SLC45A1: variants seen among roughly 807,000 people sequenced by gnomAD.
SLC45A1 encodes proton-associated sugar transporter A.
Under a neutral mutation model 57.6 loss-of-function variants are expected in SLC45A1, and 28 were observed. That is an observed-to-expected ratio of 0.49 (90% CI 0.36 to 0.67). The LOEUF (loss-of-function observed/expected upper bound fraction) is 0.67, where lower values mean the gene tolerates loss of function less well. SLC45A1 is among the 30% of genes least tolerant of loss of function. SLC45A1 has a pLI of 0.00. For missense variants in SLC45A1, 814 were observed against 1,041.5 expected (o/e 0.78, Z 3.01); for synonymous variants, 459 against 471.5 (o/e 0.97, Z 0.34).
chr1:8,336,702 C>A (rs1156612621), intron 6 of SLC45A1, among the ~76,000 whole-genome samples: 1 of 152,056 alleles, frequency 6.6e-6, no homozygotes, highest in Non-Finnish European at 1.5e-5. Context: ...TAGGGTGCAC[C>A]CACACTGTGA....
At chr1:8,324,862 A>T in intron 2 of SLC45A1, 136 bp downstream of exon 2, 1 of 847,426 alleles carries the variant, frequency 1.2e-6, no homozygotes, top group South Asian at 1.9e-5. Context: ...GACTGTGGGG[A>T]ACACAGGTAC....
chr1:8,330,861 C>T lies in SLC45A1; in HGVS notation c.1368C>T (p.Thr456=). 6.2e-7 allele frequency: 1 copy of T among 1,611,716 alleles called. No individual in the cohort carries two copies. Among genetic ancestry groups the T allele is most frequent in the Non-Finnish European group, 8.5e-7 (1 of 1,178,674 alleles). Residue 456 remains threonine, a synonymous_variant, in exon 5 of 9, where the codon ACC becomes ACT. Coordinates refer to ENST00000471889, the MANE Select transcript of SLC45A1 (RefSeq NM_001080397.3). The surrounding 1 kb of genome is among the most constrained non-coding windows in gnomAD (Gnocchi z 8.4). The stretch of plus-strand genomic sequence containing the variant: ...CAGGGATTCTGAAGAGACCTCAGAC[C>T]TTGGCCATCCCGGACGCAGCCGGAG... The part of the protein sequence containing the change: ...RSSGILKRPQ[T]LAIPDAAGGG...
chr1:8,324,828 G>A (rs1301517675), intron 2 of SLC45A1, 102 bp downstream of exon 2: 1 of 1,161,288 alleles, frequency 8.6e-7, no homozygotes. Context: ...AGGATCAAGA[G>A]TTAAGTTCCC....
Position 8,343,960 on chromosome 1 carries a change from C to T in SLC45A1, c.2194C>T (p.Pro732Ser). The T allele has an allele frequency of 6.2e-7, 1 of 1,613,950 alleles. No individual in the cohort carries two copies. Among genetic ancestry groups the T allele is most frequent in the Middle Eastern group, 1.6e-4 (1 of 6,062 alleles). ...YSSLFVIYEI[P>S]PSDAADEEHR... ...CTCCCTGTTTGTCATTTATGAAATT[C>T]CTCCCAGCGACGCTGCAGACGAGGA... Residue 732 changes from proline (P) to serine (S), a missense_variant, in exon 9 of 9, where the codon CCT becomes TCT. Transcript: ENST00000471889. This position sits in a 1 kb window ranked among gnomAD's most constrained non-coding sequence, Gnocchi z 7.7.
rs758401798 is a variant in SLC45A1, at chr1:8,338,000, C to G, written c.1774+8C>G. 7 of 1,611,792 alleles carry G rather than the reference C, an allele frequency of 4.3e-6. No homozygotes were observed. The highest frequency in any genetic ancestry group is 5.9e-6 in the Non-Finnish European group (7 of 1,179,082). ...GTGCTGCCTTCTACTCAGGTACCCG[C>G]TGCCAGCCAGGCTGGCACGGCAGTG... On this transcript the variant is annotated splice_region_variant and intron_variant, in intron 7 of 8. Transcript: ENST00000471889.
Position 8,343,941 on chromosome 1 carries a change from G to A in SLC45A1, c.2175G>A (p.Leu725=), listed in dbSNP as rs1225838579. ...TCCTGGGCTGCCTGTACTCCTCCCT[G>A]TTTGTCATTTATGAAATTCCTCCCA... is the stretch of plus-strand genomic sequence containing the variant. The part of the protein sequence containing the change: ...VSFLGCLYSS[L]FVIYEIPPSD... Residue 725 remains leucine (L), a synonymous_variant, in exon 9 of 9, where the codon CTG becomes CTA. Coordinates refer to ENST00000471889, the MANE Select transcript of SLC45A1 (RefSeq NM_001080397.3). The surrounding 1 kb of genome is among the most constrained non-coding windows in gnomAD (Gnocchi z 7.7). 3.7e-6 allele frequency: 6 copies of A among 1,613,986 alleles called. No homozygotes were observed. Among genetic ancestry groups the A allele is most frequent in the East Asian group, 2.2e-5 (1 of 44,870 alleles).
At chr1:8,341,805 A>G (rs1640827216) in intron 8 of SLC45A1, among the ~76,000 whole-genome samples, 1 of 151,962 alleles carries the variant, frequency 6.6e-6, no homozygotes, top group African/African-American at 2.4e-5. Context: ...CCATAATTCC[A>G]GCTACTTGGG....
intron 8 of SLC45A1, among the ~76,000 whole-genome samples, chr1:8,342,551 G>T (rs1287922694): frequency 6.6e-6 from 1 of 152,226 alleles, no homozygotes; most frequent in Non-Finnish European, 1.5e-5. Context: ...TCTGGCATCT[G>T]CAGTGCAGCT....
intron 5 of SLC45A1, among the ~76,000 whole-genome samples, chr1:8,332,652 C>T (rs923679956): frequency 4.0e-5 from 6 of 151,852 alleles, no homozygotes; most frequent in Non-Finnish European, 5.9e-5. Flanking sequence ...GCTGGGACTA[C>T]GGGCACCCAC....
chr1:8,320,063 A>G (rs55819363), intron 1 of SLC45A1, among the ~76,000 whole-genome samples: 35,649 of 152,152 alleles, frequency 0.23, 4,329 homozygotes, highest in Middle Eastern at 0.34. Context: ...ACATTTGTGA[A>G]CAGTTTTTAC....
At chr1:8,320,692 T>TCTACACACAC (rs1254589597) in intron 1 of SLC45A1, among the ~76,000 whole-genome samples, 4 of 101,224 alleles carry the variant, frequency 4.0e-5, no homozygotes, top group African/African-American at 1.3e-4. Flanking sequence ...TCTCTCTCTC[T>TCTACACACAC]ACACACACAC....
At position 8,324,876 on chromosome 1, in the gene SLC45A1, C is replaced by T. The variant is rs549155695; in HGVS notation, c.397+150C>T. On this transcript the variant is annotated intron_variant, in intron 2 of 8. Coordinates refer to ENST00000471889, the MANE Select transcript of SLC45A1 (RefSeq NM_001080397.3). ...GGACTGTGGGGAACACAGGTACCAC[C>T]GGTCATATCCCAGATTTTAAGTTCC... The T allele has an allele frequency of 5.0e-5, 38 of 763,242 alleles. 1 individual carries two copies. Among genetic ancestry groups the T allele is most frequent in the East Asian group, 1.4e-4 (5 of 36,692 alleles). 47.3% of individuals were successfully genotyped at this position (763,242 alleles called of 1,614,324 possible).
Position 8,342,775 on chromosome 1 carries a change from G to A in SLC45A1, c.1981-972G>A, listed in dbSNP as rs191987643. On this transcript the variant is annotated intron_variant, in intron 8 of 8. Coordinates refer to ENST00000471889, the MANE Select transcript of SLC45A1 (RefSeq NM_001080397.3). Reference sequence around the variant, plus strand: ...TTAGCCAGGTGTGGTGGCATGCACCGGTAGTTCCAGCTACTCGGGAGGCTG... The same window carrying A: ...TTAGCCAGGTGTGGTGGCATGCACCAGTAGTTCCAGCTACTCGGGAGGCTG... 2.2e-4 allele frequency among the ~76,000 whole-genome samples: 33 copies of A among 152,062 alleles called. 1 individual carries two copies. The East Asian group carries it at 5.4e-3, about 25-fold the overall frequency.
At chr1:8,319,434 T>C (rs1639931487) in intron 1 of SLC45A1, among the ~76,000 whole-genome samples, 1 of 152,224 alleles carries the variant, frequency 6.6e-6, no homozygotes, top group South Asian at 2.1e-4. Flanking sequence ...TTGACATTGA[T>C]TACTTTTATT....
In SLC45A1 at chr1:8,330,821, C is replaced by G. The variant is rs1640380230; in HGVS notation, c.1328C>G (p.Ser443Cys). 1.9e-6 allele frequency: 3 copies of G among 1,613,502 alleles called. No individual in the cohort carries two copies. Among genetic ancestry groups the G allele is most frequent in the African/African-American group, 1.3e-5 (1 of 75,054 alleles). The change falls in exon 5 of 9, where the codon TCT becomes TGT. Residue 443 changes from serine to cysteine, a missense_variant. Coordinates refer to ENST00000471889, the MANE Select transcript of SLC45A1 (RefSeq NM_001080397.3). The surrounding 1 kb of genome is among the most constrained non-coding windows in gnomAD (Gnocchi z 8.4). ...CTGAGGGTGGGCTCCTTGGACACCT[C>G]TAAGCCGAGGTCATCAGGGATTCTG... is the stretch of plus-strand genomic sequence containing the variant. Reference protein sequence around the residue: ...DILRVGSLDTSKPRSSGILKR... With the variant: ...DILRVGSLDTCKPRSSGILKR...
chr1:8,318,142 C>CAGCA lies in SLC45A1; in HGVS notation c.-68_-65dup, dbSNP rs1569914275. ...GCAGCCGGGACCGCGGCCGGGCAGGCAGCAGCCCAGCGGGGACAGGGATGC... is the reference window on the plus strand; with the variant it reads ...GCAGCCGGGACCGCGGCCGGGCAGGCAGCAAGCAGCCCAGCGGGGACAGGGATGC... On this transcript the variant is annotated 5_prime_UTR_variant, in exon 1 of 9. Transcript: ENST00000471889. The CAGCA allele has an allele frequency of 2.2e-6, 1 of 459,836 alleles. No homozygotes were observed. The highest frequency in any genetic ancestry group is 2.0e-5 in the African/African-American group (1 of 48,936). 28.5% of individuals were successfully genotyped at this position (459,836 alleles called of 1,614,324 possible). A position where few individuals can be genotyped will look rare whatever the true frequency, so the allele number is the denominator to read the frequency against.
chr1:8,326,996 A>C lies in SLC45A1; in HGVS notation c.715+954A>C, dbSNP rs147757299. On this transcript the variant is annotated intron_variant, in intron 4 of 8. Coordinates refer to ENST00000471889, the MANE Select transcript of SLC45A1 (RefSeq NM_001080397.3). This position sits in a 1 kb window ranked among gnomAD's most constrained non-coding sequence, Gnocchi z 5.5. ...CCTCCATCTCAAAAACAAACAAACA[A>C]ACAAACACCAACTCTTGTTTCCAGT... Among the ~76,000 whole-genome samples, 1 of 152,228 alleles carries C rather than the reference A, an allele frequency of 6.6e-6. No homozygotes were observed. Among genetic ancestry groups the C allele is most frequent in the African/African-American group, 2.4e-5 (1 of 41,544 alleles).
At chr1:8,333,789 G>T (rs1640501322) in intron 5 of SLC45A1, among the ~76,000 whole-genome samples, 1 of 152,230 alleles carries the variant, frequency 6.6e-6, no homozygotes, top group African/African-American at 2.4e-5. Flanking sequence ...TTTCTCTGGT[G>T]TGTGTGGCCG....
intron 6 of SLC45A1, 35 bp from the exon 7 acceptor site, chr1:8,337,781 G>T (rs1486791431): frequency 1.3e-6 from 2 of 1,595,520 alleles, no homozygotes; most frequent in Non-Finnish European, 1.7e-6. Context: ...GTTGGCCTTT[G>T]CCCCCGAGGT....
Sources: allele counts gnomAD v4.1 joint callset (sites outside exome capture counted in the v4.1 genomes callset), GRCh38; gene constraint gnomAD v4.1.1; non-coding constraint Gnocchi (gnomAD v3.1); transcripts MANE v1.5; gene names NCBI Gene and HGNC (gene_info 2026-07-23, HGNC 2026-07-21).